VPS8: variants seen among roughly 807,000 people sequenced by gnomAD.
VPS8 encodes the protein vacuolar protein sorting-associated protein 8 homolog.
Under a neutral mutation model 216.4 loss-of-function variants are expected in VPS8, and 129 were observed. That is an observed-to-expected ratio of 0.60 (90% CI 0.52 to 0.69). The LOEUF (loss-of-function observed/expected upper bound fraction) is 0.69. VPS8 is among the 30% of genes least tolerant of loss of function. The pLI, the probability that VPS8 is intolerant of heterozygous loss-of-function variation, is 0.00. For missense variants in VPS8, 1,531 were observed against 1,683.5 expected, an observed-to-expected ratio of 0.91 and a Z score of 1.59; for synonymous variants, 571 against 565.4, an observed-to-expected ratio of 1.01 and a Z score of -0.14.
chr3:185,041,437 A>G (rs917688679), intron 46 of VPS8, among the ~76,000 whole-genome samples: 4 of 152,026 alleles, frequency 2.6e-5, no homozygotes, highest in Non-Finnish European at 4.4e-5. Flanking sequence ...GTAGTTCTCT[A>G]TACTATCCTA....
At chr3:185,000,926 A>G (rs1753336121) in intron 45 of VPS8, among the ~76,000 whole-genome samples, 1 of 152,108 alleles carries the variant, frequency 6.6e-6, no homozygotes, top group Non-Finnish European at 1.5e-5. Context: ...TTCATCAGCC[A>G]TCAGCATTGT....
chr3:184,950,749 G>T (rs1560827593), intron 36 of VPS8, among the ~76,000 whole-genome samples: 1 of 151,888 alleles, frequency 6.6e-6, no homozygotes, highest in Non-Finnish European at 1.5e-5. Context: ...CCTGGTATGT[G>T]TTCTTCCCCT....
intron 45 of VPS8, among the ~76,000 whole-genome samples, chr3:185,017,830 C>G (rs1055470434): frequency 1.3e-5 from 2 of 150,862 alleles, no homozygotes; most frequent in Non-Finnish European, 2.9e-5. Context: ...GAATGGGGCC[C>G]AGGACGGCCC....
At chr3:185,005,045 T>G (rs1577128964) in intron 45 of VPS8, among the ~76,000 whole-genome samples, 2 of 152,310 alleles carry the variant, frequency 1.3e-5, no homozygotes, top group Non-Finnish European at 1.5e-5. Context: ...TGAGTTGACT[T>G]TGTATACAGT....
intron 21 of VPS8, among the ~76,000 whole-genome samples, chr3:184,881,947 A>G (rs1019891568): frequency 3.3e-5 from 5 of 151,526 alleles, no homozygotes; most frequent in Non-Finnish European, 4.4e-5. Context: ...ATCTTGTAGA[A>G]CTCATTTATT....
intron 21 of VPS8, 73 bp downstream of exon 21, chr3:184,870,878 A>G (rs1469788743): frequency 3.1e-6 from 4 of 1,305,146 alleles, no homozygotes; most frequent in Non-Finnish European, 4.3e-6. Context: ...GTTACTTGAG[A>G]ATGTGACTTT....
chr3:184,889,630 C>T (rs1301764513), intron 22 of VPS8, among the ~76,000 whole-genome samples: 4 of 152,036 alleles, frequency 2.6e-5, no homozygotes, highest in Admixed American at 2.6e-4. Context: ...CCCTCCTTGT[C>T]TCTTTCCCTA....
In VPS8 at chr3:185,041,500, A is replaced by G. The variant is rs191401044; in HGVS notation, c.4057-6979A>G. On this transcript the variant is annotated intron_variant, in intron 46 of 47. Transcript: ENST00000625842. ...GCAAAACAGGAGTTGCCTCACGGCT[A>G]CCGTCTTCTTGGATGTTGAGATTAT... Among the ~76,000 whole-genome samples, 611 of 152,268 alleles carry G rather than the reference A, an allele frequency of 4.0e-3. 3 individuals carry two copies. The highest frequency in any genetic ancestry group is 6.5e-3 in the Non-Finnish European group (440 of 68,024).
Position 184,983,025 on chromosome 3 carries a change from G to T in VPS8, c.3516G>T (p.Leu1172Phe). The change falls in exon 42 of 48, where the codon TTG (leucine) becomes TTT (phenylalanine). Residue 1172 changes from leucine to phenylalanine, a missense_variant. Around this residue, in one of 3 missense-constraint regions of VPS8, gnomAD observed 1,318 missense variants for 1,468.4 expected, o/e 0.90. Coordinates refer to ENST00000625842, the MANE Select transcript of VPS8 (RefSeq NM_001009921.3). ...TTGTTATAACAGCTCTGAAGTCTTTGACCATGCAAGTTTTAAATAGCATGG... is the reference window on the plus strand; with the variant it reads ...TTGTTATAACAGCTCTGAAGTCTTTTACCATGCAAGTTTTAAATAGCATGG... ...PHLHSEALKSLTMQVLNSMAA... is the reference protein window; with the variant it reads ...PHLHSEALKSFTMQVLNSMAA... 6.2e-7 allele frequency: 1 copy of T among 1,606,308 alleles called. No homozygotes were observed. The highest frequency in any genetic ancestry group is 1.1e-5 in the South Asian group (1 of 89,244).
At chr3:185,041,593 A>G (rs1485859236) in intron 46 of VPS8, among the ~76,000 whole-genome samples, 2 of 152,162 alleles carry the variant, frequency 1.3e-5, no homozygotes, top group Admixed American at 6.5e-5. Flanking sequence ...GCACTTCCCA[A>G]AATACATGGC....
At chr3:184,854,690 G>A (rs1228160990) in intron 13 of VPS8, among the ~76,000 whole-genome samples, 1 of 152,174 alleles carries the variant, frequency 6.6e-6, no homozygotes, top group Non-Finnish European at 1.5e-5. Context: ...CTCACTGCCT[G>A]CAGCTTTGGC....
rs10707371 is a variant in VPS8, at chr3:184,910,128, A to ATTT, written c.2147-3371_2147-3369dup. On this transcript the variant is annotated intron_variant, in intron 25 of 47. Transcript: ENST00000625842. ...TCTCTTTTCTTTGCAAGATTCTCCT[A>ATTT]TTTTTTTTTTTTTTTTTTTTTTGAG... Among the ~76,000 whole-genome samples the ATTT allele has an allele frequency of 2.9e-3, 255 of 87,256 alleles. 2 individuals carry two copies. The highest frequency in any genetic ancestry group is 6.1e-3 in the African/African-American group (135 of 22,102). The allele number at this position is 87,256 out of a possible 152,430, so 57.2% of individuals were successfully genotyped here.
chr3:185,012,822 GAA>G (rs1444946735), intron 45 of VPS8, among the ~76,000 whole-genome samples: 1 of 152,208 alleles, frequency 6.6e-6, no homozygotes, highest in Non-Finnish European at 1.5e-5. Context: ...CACACACACA[GAA>G]ATATAGCGTG....
chr3:184,912,782 C>T (rs1011870773), intron 25 of VPS8, among the ~76,000 whole-genome samples: 3 of 152,204 alleles, frequency 2.0e-5, no homozygotes, highest in African/African-American at 7.2e-5. Flanking sequence ...TAAAGGCATA[C>T]ACTTGCTTGC....
At chr3:185,015,878 T>C (rs1357287285) in intron 45 of VPS8, among the ~76,000 whole-genome samples, 7 of 152,232 alleles carry the variant, frequency 4.6e-5, no homozygotes, top group African/African-American at 1.7e-4. Flanking sequence ...TGAATTAGTA[T>C]GTGGAAGAAA....
chr3:184,999,353 C>A (rs1753085686), intron 44 of VPS8, among the ~76,000 whole-genome samples: 2 of 152,238 alleles, frequency 1.3e-5, no homozygotes, highest in Non-Finnish European at 2.9e-5. Context: ...GCCACCACGC[C>A]CAGCCCCCAG....
chr3:184,944,222 C>T (rs1309446650), intron 36 of VPS8, among the ~76,000 whole-genome samples: 6 of 152,116 alleles, frequency 3.9e-5, no homozygotes, highest in Non-Finnish European at 8.8e-5. Context: ...AAATAGTTTC[C>T]TCAGTCAAAT....
chr3:185,012,664 T>TAA (rs559580919), intron 45 of VPS8, among the ~76,000 whole-genome samples: 1 of 145,520 alleles, frequency 6.9e-6, no homozygotes. Context: ...ATTTCTCATT[T>TAA]AAAAAAAAAA....
chr3:184,866,985 T>C (rs750226927), intron 17 of VPS8, 35 bp downstream of exon 17: 2 of 1,594,014 alleles, frequency 1.3e-6, no homozygotes, highest in Non-Finnish European at 1.7e-6. Flanking sequence ...GGTATTTGTA[T>C]GTATCAGGGT....
Sources: allele counts gnomAD v4.1 joint callset (sites outside exome capture counted in the v4.1 genomes callset), GRCh38; gene constraint gnomAD v4.1.1; regional missense constraint gnomAD v4.1.1; transcripts MANE v1.5; gene names NCBI Gene and HGNC (gene_info 2026-07-23, HGNC 2026-07-21).